SMURF1: variants seen among roughly 807,000 people sequenced by gnomAD.
The protein encoded by SMURF1 is SMAD specific E3 ubiquitin protein ligase 1.
In SMURF1, 44 loss-of-function variants were observed where a neutral mutation model predicts 98.0. The observed-to-expected ratio is 0.45, with a 90% CI of 0.35 to 0.58. The LOEUF (loss-of-function observed/expected upper bound fraction) is 0.58. SMURF1 is among the 20% of genes least tolerant of loss of function. The pLI, the probability that SMURF1 is intolerant of heterozygous loss-of-function variation, is 0.00. For synonymous variants in SMURF1, 396 were observed against 374.9 expected, an observed-to-expected ratio of 1.06 and a Z score of -0.65; for missense variants, 687 against 938.4, an observed-to-expected ratio of 0.73 and a Z score of 3.50.
intron 1 of SMURF1, among the ~76,000 whole-genome samples, chr7:99,138,380 T>C (rs527280131): frequency 1.3e-5 from 2 of 152,338 alleles, no homozygotes; most frequent in South Asian, 2.1e-4. Flanking sequence ...TGAGGTGATA[T>C]TGAAACACTA....
intron 2 of SMURF1, among the ~76,000 whole-genome samples, chr7:99,061,133 C>G (rs144933974): frequency 6.6e-6 from 1 of 152,304 alleles, no homozygotes; most frequent in African/African-American, 2.4e-5. Context: ...AGACAGGTGG[C>G]AAAGTGGACA....
intron 1 of SMURF1, among the ~76,000 whole-genome samples, chr7:99,128,650 A>G (rs1797796357): frequency 6.6e-6 from 1 of 152,174 alleles, no homozygotes; most frequent in African/African-American, 2.4e-5. Context: ...ACTACCACGC[A>G]TTGCTTTCAA....
In SMURF1 at chr7:99,143,726, C is replaced by T; in HGVS notation, c.55G>A (p.Val19Met). ...CGGGTGGGCCTCCCGCCGGCCGTAC[C>T]TGTCAGACGGATCTTGATGCTGGAG... ...NGSSIKIRLT[V>M]LCAKNLAKKD... Residue 19 changes from valine (V) to methionine (M), a missense_variant and splice_region_variant, in exon 1 of 18, where the codon GTG becomes ATG. Around this residue, in one of 2 missense-constraint regions of SMURF1, gnomAD observed 415 missense variants for 508.4 expected, o/e 0.82. Coordinates refer to ENST00000361368, the MANE Select transcript of SMURF1 (RefSeq NM_181349.3). 13 of 1,559,270 alleles carry T rather than the reference C, an allele frequency of 8.3e-6. No individual in the cohort carries two copies. The highest frequency in any genetic ancestry group is 9.5e-6 in the Non-Finnish European group (11 of 1,155,584).
Position 99,126,913 on chromosome 7 carries a change from T to C in SMURF1, c.55+16813A>G, listed in dbSNP as rs79715151. Among the ~76,000 whole-genome samples, 198 of 152,318 alleles carry C rather than the reference T, an allele frequency of 1.3e-3. 1 individual carries two copies. Among genetic ancestry groups the C allele is most frequent in the African/African-American group, 4.2e-3 (175 of 41,564 alleles). On this transcript the variant is annotated intron_variant, in intron 1 of 17. Transcript: ENST00000361368. ...TGTGTGATGTAGAAACAAATTAACA[T>C]AACAGAAGTTTATTTCTTGCTCAAC...
At chr7:99,083,974 G>T (rs1302073171) in intron 1 of SMURF1, among the ~76,000 whole-genome samples, 1 of 152,200 alleles carries the variant, frequency 6.6e-6, no homozygotes, top group Non-Finnish European at 1.5e-5. Context: ...ACTTGATATT[G>T]TATGCCTGAC....
intron 1 of SMURF1, among the ~76,000 whole-genome samples, chr7:99,133,116 C>CA (rs201459579): frequency 0.068 from 9,925 of 146,866 alleles, 445 homozygotes; most frequent in Non-Finnish European, 0.097. Context: ...CACACACACA[C>CA]CCCACCCACA....
At chr7:99,064,362 TTG>T (rs1297962788) in intron 1 of SMURF1, among the ~76,000 whole-genome samples, 2 of 152,240 alleles carry the variant, frequency 1.3e-5, no homozygotes, top group Non-Finnish European at 2.9e-5. Context: ...TTCTTTAATG[TTG>T]GGTAGAGTTC....
chr7:99,069,927 C>CT (rs1299467977), intron 1 of SMURF1, among the ~76,000 whole-genome samples: 1 of 152,218 alleles, frequency 6.6e-6, no homozygotes, highest in African/African-American at 2.4e-5. Flanking sequence ...GGAAAACTGT[C>CT]TAAGTTAACA....
Position 99,127,431 on chromosome 7 carries a change from G to A in SMURF1, c.55+16295C>T, listed in dbSNP as rs546163045. On this transcript the variant is annotated intron_variant, in intron 1 of 17. Coordinates refer to ENST00000361368, the MANE Select transcript of SMURF1 (RefSeq NM_181349.3). ...GCTCGGCCGGGCCTGGTGGCTCACGGCTGTAATCCTAGCAGTTTGGAAGGC... is the reference window on the plus strand; with the variant it reads ...GCTCGGCCGGGCCTGGTGGCTCACGACTGTAATCCTAGCAGTTTGGAAGGC... Among the ~76,000 whole-genome samples, 3 of 152,112 alleles carry A rather than the reference G, an allele frequency of 2.0e-5. No homozygotes were observed. In the South Asian group the frequency reaches 6.2e-4, roughly 31 times the overall value.
chr7:99,095,717 T>C (rs1349298040), intron 1 of SMURF1, among the ~76,000 whole-genome samples: 1 of 152,224 alleles, frequency 6.6e-6, no homozygotes, highest in Non-Finnish European at 1.5e-5. Context: ...GAATATGTTT[T>C]CTTAAAGATC....
chr7:99,141,742 T>TA (rs1365277164), intron 1 of SMURF1, among the ~76,000 whole-genome samples: 2 of 152,160 alleles, frequency 1.3e-5, no homozygotes, highest in Non-Finnish European at 2.9e-5. Flanking sequence ...AATTTTAGTT[T>TA]AAAAAAATTA....
intron 1 of SMURF1, among the ~76,000 whole-genome samples, chr7:99,063,244 TATATA>T (rs1796086414): frequency 0.032 from 459 of 14,456 alleles, 52 homozygotes; most frequent in Non-Finnish European, 0.034. Context: ...GATTTATTTA[TATATA>T]TATATATATA....
chr7:99,031,308 T>C (rs1326536221), intron 17 of SMURF1: 1 of 152,204 alleles, frequency 6.6e-6, no homozygotes, highest in Non-Finnish European at 1.5e-5. Flanking sequence ...CCTTAAAAGA[T>C]GAAATGAATA....
chr7:99,089,239 A>T (rs1796752421), intron 1 of SMURF1, among the ~76,000 whole-genome samples: 1 of 151,922 alleles, frequency 6.6e-6, no homozygotes, highest in Non-Finnish European at 1.5e-5. Flanking sequence ...AATCAGTCAG[A>T]CAGGACACCG....
chr7:99,058,069 G>A (rs189800193), intron 3 of SMURF1, among the ~76,000 whole-genome samples: 16 of 152,262 alleles, frequency 1.1e-4, no homozygotes, highest in Admixed American at 6.5e-4. Flanking sequence ...AGGGGCAAAT[G>A]TAGATAACCA....
intron 5 of SMURF1, among the ~76,000 whole-genome samples, chr7:99,055,248 G>A (rs1461988440): frequency 6.6e-6 from 1 of 151,764 alleles, no homozygotes; most frequent in Non-Finnish European, 1.5e-5. Context: ...AGGGAGGATC[G>A]CCTGAGCTCA....
chr7:99,116,002 C>T (rs1228014262), intron 1 of SMURF1, among the ~76,000 whole-genome samples: 1 of 151,914 alleles, frequency 6.6e-6, no homozygotes, highest in Non-Finnish European at 1.5e-5. Flanking sequence ...TGTTACAGAC[C>T]AATATCCTTT....
chr7:99,099,766 G>T (rs748922109), intron 1 of SMURF1, among the ~76,000 whole-genome samples: 3 of 152,044 alleles, frequency 2.0e-5, no homozygotes, highest in Non-Finnish European at 4.4e-5. Context: ...GGCTTCCTTG[G>T]TTTCTCTCTC....
intron 1 of SMURF1, among the ~76,000 whole-genome samples, chr7:99,098,362 ATGAACATGTTAAC>A (rs113676358): frequency 0.029 from 4,463 of 152,264 alleles, 224 homozygotes; most frequent in African/African-American, 0.098. Flanking sequence ...ACCTCTGTTT[ATGAACATGTTAAC>A]TGGCTGGGAG....
Sources: allele counts gnomAD v4.1 joint callset (sites outside exome capture counted in the v4.1 genomes callset), GRCh38; gene constraint gnomAD v4.1.1; regional missense constraint gnomAD v4.1.1; transcripts MANE v1.5; gene names NCBI Gene and HGNC (gene_info 2026-07-23, HGNC 2026-07-21).